The following UBR4 variants were observed in gnomAD, a reference collection of about 807,000 sequenced individuals.
UBR4 encodes the protein E3 ubiquitin-protein ligase UBR4.
UBR4 carries 124 observed loss-of-function variants against 575.6 expected under a neutral mutation model. The observed-to-expected ratio is 0.22, with a 90% CI of 0.19 to 0.25. The LOEUF is 0.25. Ranked by LOEUF, UBR4 falls within the 10% of genes least tolerant of loss-of-function variation. The pLI, the probability that UBR4 is intolerant of heterozygous loss-of-function variation, is 1.00. For synonymous variants in UBR4, 2,455 were observed against 2,473.7 expected, an observed-to-expected ratio of 0.99 and a Z score of 0.22; for missense variants, 4,818 against 6,478.8, an observed-to-expected ratio of 0.74 and a Z score of 8.80.
chr1:19,207,681 G>A (rs972494893), intron 1 of UBR4, among the ~76,000 whole-genome samples: 6 of 151,958 alleles, frequency 3.9e-5, no homozygotes, highest in Non-Finnish European at 2.9e-5. Context: ...ATGATAGCAG[G>A]GTATAATTTG....
intron 73 of UBR4, among the ~76,000 whole-genome samples, chr1:19,115,848 C>T (rs2080458988): frequency 6.6e-6 from 1 of 152,234 alleles, no homozygotes; most frequent in Non-Finnish European, 1.5e-5. Flanking sequence ...CATACAAGTG[C>T]TTTAAGCTGT....
intron 32 of UBR4, 69 bp from the exon 33 acceptor site, chr1:19,164,510 G>A (rs1452076901): frequency 1.3e-6 from 2 of 1,496,862 alleles, no homozygotes; most frequent in Non-Finnish European, 1.8e-6. Context: ...TATAAAGGAA[G>A]TTTTAAATTA....
At chr1:19,121,168 T>C (rs771206514) in intron 68 of UBR4, 21 bp downstream of exon 68, 2 of 1,610,534 alleles carry the variant, frequency 1.2e-6, no homozygotes, top group Admixed American at 3.4e-5. Context: ...GTAGTCACAA[T>C]GACAAGAGGG....
intron 92 of UBR4, 48 bp downstream of exon 92, chr1:19,096,475 T>C (rs1570407731): frequency 6.3e-7 from 1 of 1,594,816 alleles, no homozygotes; most frequent in Non-Finnish European, 8.5e-7. Flanking sequence ...CAGGGGCCTC[T>C]CCCAGTGCAG....
At position 19,143,095 on chromosome 1, in the gene UBR4, G is replaced by A. The variant is rs529078728; in HGVS notation, c.8179+885C>T. ...ACACAGTGAGACTCTGAAAAAAGAC[G>A]AGAGAGAGAGAGAAAGAAAGAAAGA... is the stretch of plus-strand genomic sequence containing the variant. On this transcript the variant is annotated intron_variant, in intron 55 of 105. Coordinates refer to ENST00000375254, the MANE Select transcript of UBR4 (RefSeq NM_020765.3). Among the ~76,000 whole-genome samples the A allele has an allele frequency of 6.9e-4, 100 of 144,076 alleles. 1 individual carries two copies. Among genetic ancestry groups the A allele is most frequent in the African/African-American group, 2.2e-3 (87 of 39,054 alleles). 94.5% of individuals were successfully genotyped at this position (144,076 alleles called of 152,430 possible).
intron 64 of UBR4, among the ~76,000 whole-genome samples, chr1:19,126,128 T>A (rs2081744338): frequency 6.6e-6 from 1 of 152,200 alleles, no homozygotes; most frequent in African/African-American, 2.4e-5. Flanking sequence ...ACAGGGAATA[T>A]CTGACACACA....
At chr1:19,086,082 CG>C (rs1275267406) in intron 101 of UBR4, 62 bp downstream of exon 101, 7 of 1,580,622 alleles carry the variant, frequency 4.4e-6, no homozygotes, top group Non-Finnish European at 6.0e-6. Flanking sequence ...GGGCTGATAG[CG>C]GGTCTTGTCC....
At chr1:19,127,428 A>G (rs912228764) in intron 63 of UBR4, among the ~76,000 whole-genome samples, 195 bp downstream of exon 63, 3 of 152,206 alleles carry the variant, frequency 2.0e-5, no homozygotes, top group Admixed American at 2.0e-4. Context: ...GATTGTTACC[A>G]AAGACCAGAG....
Position 19,081,918 on chromosome 1 carries a change from A to G in UBR4, c.15009-345T>C, listed in dbSNP as rs552176254. On this transcript the variant is annotated intron_variant, in intron 102 of 105. Coordinates refer to ENST00000375254, the MANE Select transcript of UBR4 (RefSeq NM_020765.3). ...AACATGGAACTGTGCTAGTAACTCCAGAGGCCCAGAAAAGTGAAGTGACTT... is the reference window on the plus strand; with the variant it reads ...AACATGGAACTGTGCTAGTAACTCCGGAGGCCCAGAAAAGTGAAGTGACTT... The G allele has an allele frequency of 1.6e-3, 980 of 604,668 alleles. 6 individuals are homozygous for G. The highest frequency in any genetic ancestry group is 3.0e-3 in the South Asian group (146 of 48,348). 37.5% of individuals were successfully genotyped at this position (604,668 alleles called of 1,614,324 possible). A position where few individuals can be genotyped will look rare whatever the true frequency, so the allele number is the denominator to read the frequency against.
intron 55 of UBR4, among the ~76,000 whole-genome samples, chr1:19,142,411 C>T (rs1262558502): frequency 6.6e-6 from 1 of 152,214 alleles, no homozygotes. Context: ...CCTCACCTTC[C>T]ACTCGATGGA....
rs767335189 is a variant in UBR4, at chr1:19,117,333, T to C, written c.10711A>G (p.Ile3571Val). Reference sequence around the variant, plus strand: ...CCGATTTTCACTGTCACTTTGCTGATGGTGTGACTGCCAATGAGCTTCACA... The same window carrying C: ...CCGATTTTCACTGTCACTTTGCTGACGGTGTGACTGCCAATGAGCTTCACA... Reference protein sequence around the residue: ...QVVKLIGSHTISKVTVKIGDL... With the variant: ...QVVKLIGSHTVSKVTVKIGDL... The change falls in exon 73 of 106, where the codon ATC becomes GTC. Residue 3571 changes from isoleucine to valine, a missense_variant. Around this residue, in one of 29 missense-constraint regions of UBR4, gnomAD observed 550 missense variants for 791.5 expected, o/e 0.69. Coordinates refer to ENST00000375254, the MANE Select transcript of UBR4 (RefSeq NM_020765.3). This position sits in a 1 kb window ranked among gnomAD's most constrained non-coding sequence, Gnocchi z 4.0. 1.2e-6 allele frequency: 2 copies of C among 1,614,200 alleles called. No individual in the cohort carries two copies. The highest frequency in any genetic ancestry group is 2.2e-5 in the East Asian group (1 of 44,888).
rs1429729585 is a variant in UBR4, at chr1:19,145,808, G to A, written c.7930C>T (p.Pro2644Ser). 1.9e-6 allele frequency: 3 copies of A among 1,613,978 alleles called. No homozygotes were observed. Among genetic ancestry groups the A allele is most frequent in the Non-Finnish European group, 1.7e-6 (2 of 1,179,946 alleles). ...ASKPKNAFLA[P>S]ACLPGLTHIE... is the part of the protein sequence containing the mutation. ...TTTAACATACCTGGAAGGCAGGCAGGTGCCAAGAAGGCATTCTTGGGTTTG... is the reference window on the plus strand; with the variant it reads ...TTTAACATACCTGGAAGGCAGGCAGATGCCAAGAAGGCATTCTTGGGTTTG... The change falls in exon 53 of 106, where the codon CCT becomes TCT. Residue 2644 changes from proline (P) to serine (S), a missense_variant. By Grantham distance (74) the Pro-to-Ser change is moderately conservative. Around this residue, in one of 29 missense-constraint regions of UBR4, gnomAD observed 340 missense variants for 375.4 expected, o/e 0.91. Transcript: ENST00000375254.
At chr1:19,154,795 A>G in intron 44 of UBR4, 123 bp downstream of exon 44, 2 of 1,418,926 alleles carry the variant, frequency 1.4e-6, no homozygotes, top group East Asian at 2.3e-5. Context: ...CAGGGGAGAA[A>G]AAAAGGTTGG....
intron 84 of UBR4, 41 bp downstream of exon 84, chr1:19,105,692 G>C: frequency 6.8e-7 from 1 of 1,460,572 alleles, no homozygotes; most frequent in South Asian, 1.4e-5. Context: ...AGGCTCTAGA[G>C]CAAGTCTAAC....
At chr1:19,210,037 A>C in intron 1 of UBR4, 36 bp downstream of exon 1, 1 of 1,517,194 alleles carries the variant, frequency 6.6e-7, no homozygotes, top group Non-Finnish European at 8.8e-7. Context: ...CCCTCCCCCC[A>C]CAACAGCGTC....
chr1:19,173,834 G>T (rs870482), intron 22 of UBR4, among the ~76,000 whole-genome samples: 3 of 152,112 alleles, frequency 2.0e-5, no homozygotes, highest in African/African-American at 7.2e-5. Context: ...AATTTGTTCC[G>T]TATTCTGCAC....
intron 49 of UBR4, 130 bp from the exon 50 acceptor site, chr1:19,148,756 T>C (rs2085233059): frequency 3.2e-6 from 3 of 924,394 alleles, no homozygotes; most frequent in South Asian, 1.5e-5. Flanking sequence ...CAAAGCACAA[T>C]AAGACCTGCC....
At chr1:19,190,132 CAA>C (rs889304495) in intron 11 of UBR4, among the ~76,000 whole-genome samples, 2 of 135,388 alleles carry the variant, frequency 1.5e-5, no homozygotes, top group Non-Finnish European at 3.2e-5. Context: ...ATTAAAAATA[CAA>C]AAAAAAAAAA....
chr1:19,193,585 C>T (rs1375816572), intron 8 of UBR4, 28 bp from the exon 9 acceptor site: 2 of 1,588,096 alleles, frequency 1.3e-6, no homozygotes, highest in African/African-American at 2.7e-5. Flanking sequence ...CAGGTCTCAG[C>T]CATGGAGTGC....
Sources: allele counts gnomAD v4.1 joint callset (sites outside exome capture counted in the v4.1 genomes callset), GRCh38; gene constraint gnomAD v4.1.1; regional missense constraint gnomAD v4.1.1; non-coding constraint Gnocchi (gnomAD v3.1); transcripts MANE v1.5; gene names NCBI Gene and HGNC (gene_info 2026-07-23, HGNC 2026-07-21).